MAPK13: variants seen among roughly 807,000 people sequenced by gnomAD.
MAPK13 encodes mitogen-activated protein kinase 13.
In MAPK13, 39 loss-of-function variants were observed where a neutral mutation model predicts 53.5. That is an observed-to-expected ratio of 0.73 (90% confidence interval 0.56 to 0.95). The LOEUF (loss-of-function observed/expected upper bound fraction) is 0.95, where lower values mean the gene tolerates loss of function less well. MAPK13 is among the 40% of genes least tolerant of loss of function. The pLI is 0.00. For synonymous variants in MAPK13, 179 were observed against 190.9 expected, an observed-to-expected ratio of 0.94 and a Z score of 0.51; for missense variants, 460 against 471.8, an observed-to-expected ratio of 0.98 and a Z score of 0.23.
Position 36,136,760 on chromosome 6 carries a change from C to T in MAPK13, c.600C>T (p.Tyr200=), listed in dbSNP as rs1475086949. 5 of 1,613,872 alleles carry T rather than the reference C, an allele frequency of 3.1e-6. No homozygotes were observed. The highest frequency in any genetic ancestry group is 1.1e-5 in the South Asian group (1 of 91,048). The change falls in exon 7 of 12, where the codon TAC becomes TAT. Residue 200 remains tyrosine (Y), a synonymous_variant. Coordinates refer to ENST00000211287, the MANE Select transcript of MAPK13 (RefSeq NM_002754.5). ...APEVILSWMH[Y]NQTVDIWSVG... ...AGGTGATCCTCAGCTGGATGCACTACAACCAGACAGGTCAGTGGTCAATGC... is the reference window on the plus strand; with the variant it reads ...AGGTGATCCTCAGCTGGATGCACTATAACCAGACAGGTCAGTGGTCAATGC...
Position 36,143,594 on chromosome 6 carries a change from T to C in MAPK13, c.*4221T>C, listed in dbSNP as rs1283134998. On this transcript the variant is annotated 3_prime_UTR_variant, in exon 12 of 12. Coordinates refer to ENST00000211287, the MANE Select transcript of MAPK13 (RefSeq NM_002754.5). ...CCTGCCTCTCCTCCCAACTCTTGGC[T>C]TTTGCTTCCTTAAATTTGAACAATT... The C allele has an allele frequency of 1.3e-5, 2 of 152,196 alleles. No individual in the cohort carries two copies. Among genetic ancestry groups the C allele is most frequent in the Non-Finnish European group, 2.9e-5 (2 of 68,036 alleles). The allele number at this position is 152,196 out of a possible 1,614,324, so 9.4% of individuals were successfully genotyped here.
In MAPK13 at chr6:36,139,008, T is replaced by C. The variant is rs764018811; in HGVS notation, c.971T>C (p.Phe324Ser). ...GAAGAGACGGAGGCCCAGCAGCCGT[T>C]TGATGATTCCTTAGAACACGAGAAA... The part of the protein sequence containing the change: ...PEEETEAQQP[F>S]DDSLEHEKLT... The change falls in exon 11 of 12, where the codon TTT becomes TCT. Residue 324 changes from phenylalanine (F) to serine (S), a missense_variant. By Grantham distance (155) the Phe-to-Ser change is radical. Transcript: ENST00000211287. The C allele has an allele frequency of 1.1e-5, 17 of 1,612,930 alleles. No homozygotes were observed. Among genetic ancestry groups the C allele is most frequent in the South Asian group, 5.5e-5 (5 of 90,962 alleles).
In MAPK13 at chr6:36,138,993, A is replaced by G. The variant is rs1478522978; in HGVS notation, c.956A>G (p.Glu319Gly). 6.2e-7 allele frequency: 1 copy of G among 1,613,598 alleles called. No individual in the cohort carries two copies. The highest frequency in any genetic ancestry group is 2.2e-5 in the East Asian group (1 of 44,872). ...EPFRDPEEET[E>G]AQQPFDDSLE... is the part of the protein sequence containing the mutation. ...TTCCGGGACCCTGAGGAAGAGACGG[A>G]GGCCCAGCAGCCGTTTGATGATTCC... is the stretch of plus-strand genomic sequence containing the variant. Residue 319 changes from glutamate (E) to glycine (G), a missense_variant, in exon 11 of 12, where the codon GAG becomes GGG. Glu to Gly is a moderately conservative substitution (Grantham distance 98). Coordinates refer to ENST00000211287, the MANE Select transcript of MAPK13 (RefSeq NM_002754.5).
rs1766406018 is a variant in MAPK13, at chr6:36,135,810, C to G, written c.366C>G (p.Phe122Leu). 1 of 1,613,922 alleles carries G rather than the reference C, an allele frequency of 6.2e-7. No homozygotes were observed. The highest frequency in any genetic ancestry group is 2.2e-5 in the East Asian group (1 of 44,896). ...TDLQKIMGME[F>L]SEEKIQYLVY... ...TGCAGAAGATCATGGGGATGGAGTT[C>G]AGTGAGGAGAAGATCCAGTACCTGG... Residue 122 changes from phenylalanine (F) to leucine (L), a missense_variant, in exon 4 of 12, where the codon TTC (phenylalanine) becomes TTG (leucine). Coordinates refer to ENST00000211287, the MANE Select transcript of MAPK13 (RefSeq NM_002754.5).
chr6:36,136,232 G>A (rs895122911), intron 5 of MAPK13, among the ~76,000 whole-genome samples, 184 bp downstream of exon 5: 2 of 152,186 alleles, frequency 1.3e-5, no homozygotes, highest in Admixed American at 1.3e-4. Flanking sequence ...TGTGTCCCAG[G>A]GGACTTCATG....
rs750212778 is a variant in MAPK13 at position 36,139,339 on chromosome 6, A to G, written c.1064A>G (p.Lys355Arg). The G allele has an allele frequency of 1.2e-6, 2 of 1,614,014 alleles. No homozygotes were observed. The highest frequency in any genetic ancestry group is 1.7e-6 in the Non-Finnish European group (2 of 1,180,042). The change falls in exon 12 of 12, where the codon AAG becomes AGG. Residue 355 changes from lysine (K) to arginine (R), a missense_variant. By Grantham distance (26) the Lys-to-Arg change is conservative. Transcript: ENST00000211287. ...EIVNFSPIAR[K>R]DSRRRSGMKL ...GTGAACTTCAGCCCCATTGCCCGGA[A>G]GGACTCACGGCGCCGGAGTGGCATG... is the stretch of plus-strand genomic sequence containing the variant.
At position 36,141,241 on chromosome 6, in the gene MAPK13, G is replaced by A. The variant is rs75560629; in HGVS notation, c.*1868G>A. ...ACTATGGACTTCAGTTAATAATAAT[G>A]TATCAGTATTGGTTCATAAATTGTA... On this transcript the variant is annotated 3_prime_UTR_variant, in exon 12 of 12. Coordinates refer to ENST00000211287, the MANE Select transcript of MAPK13 (RefSeq NM_002754.5). 6.6e-6 allele frequency: 1 copy of A among 152,166 alleles called. No individual in the cohort carries two copies. The highest frequency in any genetic ancestry group is 1.5e-5 in the Non-Finnish European group (1 of 68,028). The allele number at this position is 152,166 out of a possible 1,614,324, so 9.4% of individuals were successfully genotyped here. A position where few individuals can be genotyped will look rare whatever the true frequency, so the allele number is the denominator to read the frequency against.
intron 5 of MAPK13, among the ~76,000 whole-genome samples, 184 bp downstream of exon 5, chr6:36,136,232 G>C (rs895122911): frequency 1.3e-5 from 2 of 152,186 alleles, no homozygotes; most frequent in Admixed American, 1.3e-4. Context: ...TGTGTCCCAG[G>C]GGACTTCATG....
intron 9 of MAPK13, 31 bp from the exon 10 acceptor site, chr6:36,138,671 C>T: frequency 6.2e-7 from 1 of 1,603,738 alleles, no homozygotes; most frequent in Non-Finnish European, 8.5e-7. Context: ...GGCCAGAGCC[C>T]TAAGGGGTTT....
chr6:36,138,811 T>C lies in MAPK13; in HGVS notation c.841+31T>C, dbSNP rs186521500. The C allele has an allele frequency of 8.7e-6, 14 of 1,613,808 alleles. No individual in the cohort carries two copies. The Admixed American group carries it at 2.3e-4, about 27-fold the overall frequency. On this transcript the variant is annotated intron_variant, in intron 10 of 11. Coordinates refer to ENST00000211287, the MANE Select transcript of MAPK13 (RefSeq NM_002754.5). ...TCTCAGAGCCCGCTCCCCAGGGGCC[T>C]CTCAGCGTATCCCAGAGGGCGGGCT...
Position 36,139,362 on chromosome 6 carries a change from A to G in MAPK13, c.1087A>G (p.Met363Val), listed in dbSNP as rs1434618391. 7 of 1,614,138 alleles carry G rather than the reference A, an allele frequency of 4.3e-6. No homozygotes were observed. Among genetic ancestry groups the G allele is most frequent in the Non-Finnish European group, 5.9e-6 (7 of 1,180,008 alleles). Residue 363 changes from methionine to valine, a missense_variant, in exon 12 of 12, where the codon ATG becomes GTG. Met to Val is a conservative substitution (Grantham distance 21, BLOSUM62 1). Transcript: ENST00000211287. ...GAAGGACTCACGGCGCCGGAGTGGC[A>G]TGAAGCTGTAGGGACTCATCTTGCA... ...ARKDSRRRSG[M>V]KL
rs937324472 is a variant in MAPK13 at position 36,139,737 on chromosome 6, C to T, written c.*364C>T. 8.8e-6 allele frequency: 2 copies of T among 226,706 alleles called. No homozygotes were observed. The highest frequency in any genetic ancestry group is 1.8e-5 in the Non-Finnish European group (2 of 113,310). The allele number at this position is 226,706 out of a possible 1,614,324, so 14.0% of individuals were successfully genotyped here. A position where few individuals can be genotyped will look rare whatever the true frequency, so the allele number is the denominator to read the frequency against. On this transcript the variant is annotated 3_prime_UTR_variant, in exon 12 of 12. Coordinates refer to ENST00000211287, the MANE Select transcript of MAPK13 (RefSeq NM_002754.5). ...TTACCACAAACCTGGTGGATTGAAA[C>T]AGCAGAACTTGATTCCCTTACAGTT...
rs1210604046 is a variant in MAPK13, at chr6:36,139,550, C to A, written c.*177C>A. ...ATTCAAAGATGTCGGTTGGGAGAAA[C>A]TAGCTCTGATCCTAACAGGCCACGT... is the stretch of plus-strand genomic sequence containing the variant. On this transcript the variant is annotated 3_prime_UTR_variant, in exon 12 of 12. Transcript: ENST00000211287. The A allele has an allele frequency of 1.7e-6, 1 of 602,118 alleles. No homozygotes were observed. The highest frequency in any genetic ancestry group is 2.8e-5 in the Admixed American group (1 of 36,094). 37.3% of individuals were successfully genotyped at this position (602,118 alleles called of 1,614,324 possible).
chr6:36,138,060 T>A (rs1036611516), intron 8 of MAPK13, among the ~76,000 whole-genome samples: 1 of 151,662 alleles, frequency 6.6e-6, no homozygotes, highest in African/African-American at 2.4e-5. Context: ...ACTGAGTACC[T>A]GTGTGTGCAG....
At chr6:36,139,170 C>A in intron 11 of MAPK13, 115 bp downstream of exon 11, 1 of 1,374,992 alleles carries the variant, frequency 7.3e-7, no homozygotes, top group Non-Finnish European at 1.0e-6. Flanking sequence ...TCTTGGTGGG[C>A]ATTGTCTCCT....
At chr6:36,131,467 G>T (rs1766322257) in intron 2 of MAPK13, 67 bp downstream of exon 2, 2 of 1,506,286 alleles carry the variant, frequency 1.3e-6, no homozygotes, top group Admixed American at 1.8e-5. Flanking sequence ...GGCGCAGGCG[G>T]GGCCTCCCGG....
intron 1 of MAPK13, 136 bp from the exon 2 acceptor site, chr6:36,131,135 C>T: frequency 9.6e-7 from 1 of 1,038,620 alleles, no homozygotes; most frequent in Admixed American, 3.2e-5. Context: ...TGCCCTGCGT[C>T]CCGCGGCTCC....
At chr6:36,136,615 C>G in intron 6 of MAPK13, 41 bp from the exon 7 acceptor site, 2 of 1,611,026 alleles carry the variant, frequency 1.2e-6, no homozygotes, top group Non-Finnish European at 8.5e-7. Context: ...GAGCCTCCTC[C>G]CCTCAGCAAG....
At position 36,130,742 on chromosome 6, in the gene MAPK13, A is replaced by C. The variant is rs748420006; in HGVS notation, c.119+41A>C. 3 of 681,440 alleles carry C rather than the reference A, an allele frequency of 4.4e-6. No individual in the cohort carries two copies. The highest frequency in any genetic ancestry group is 4.2e-6 in the Non-Finnish European group (2 of 473,134). The allele number at this position is 681,440 out of a possible 1,614,324, so 42.2% of individuals were successfully genotyped here. A position where few individuals can be genotyped will look rare whatever the true frequency, so the allele number is the denominator to read the frequency against. On this transcript the variant is annotated intron_variant, in intron 1 of 11. Coordinates refer to ENST00000211287, the MANE Select transcript of MAPK13 (RefSeq NM_002754.5). The surrounding 1 kb of genome is among the most constrained non-coding windows in gnomAD (Gnocchi z 4.5). ...CGCTGGGGGGCGGGGGGCGGGCGCC[A>C]GGCTCTCCCCTTTCCGCCCAGCCCG...
Sources: allele counts gnomAD v4.1 joint callset (sites outside exome capture counted in the v4.1 genomes callset), GRCh38; gene constraint gnomAD v4.1.1; non-coding constraint Gnocchi (gnomAD v3.1); transcripts MANE v1.5; gene names NCBI Gene and HGNC (gene_info 2026-07-23, HGNC 2026-07-21).